CBY2: variants seen among roughly 807,000 people sequenced by gnomAD.
CBY2 encodes the protein protein chibby homolog 2.
Under a neutral mutation model 25.3 loss-of-function variants are expected in CBY2, and 23 were observed. The observed-to-expected ratio is 0.91, with a 90% confidence interval of 0.65 to 1.29. The LOEUF (loss-of-function observed/expected upper bound fraction) is 1.29. Among genes scored for constraint, CBY2 ranks in the 50% most tolerant of loss-of-function variants. CBY2 has a pLI of 0.00. For synonymous variants in CBY2, 279 were observed against 260.2 expected (o/e 1.07, Z -0.70); for missense variants, 642 against 590.7 (o/e 1.09, Z -0.90).
At chr13:45,702,556 A>C in intron 1 of CBY2, 91 bp downstream of exon 1, 1 of 1,117,786 alleles carries the variant, frequency 8.9e-7, no homozygotes, top group Non-Finnish European at 1.4e-6. Flanking sequence ...AAAGCCTTTT[A>C]CATCAACTAT....
At chr13:45,707,115 T>C (rs1460332181) in intron 2 of CBY2, among the ~76,000 whole-genome samples, 1 of 152,140 alleles carries the variant, frequency 6.6e-6, no homozygotes, top group African/African-American at 2.4e-5. Flanking sequence ...AAAATGACTT[T>C]CTCAAGAGCA....
intron 2 of CBY2, among the ~76,000 whole-genome samples, chr13:45,711,708 C>T (rs1417332728): frequency 2.6e-5 from 4 of 152,278 alleles, no homozygotes; most frequent in Admixed American, 6.5e-5. Context: ...ATTTAAAACT[C>T]ACTGGAGTTA....
intron 2 of CBY2, among the ~76,000 whole-genome samples, chr13:45,709,126 G>T (rs1412997687): frequency 2.0e-5 from 3 of 152,186 alleles, no homozygotes; most frequent in Admixed American, 6.5e-5. Context: ...TAGAGATAAT[G>T]ACTCTTACCC....
chr13:45,714,288 C>G lies in CBY2; in HGVS notation c.1263C>G (p.Thr421=), dbSNP rs746466287. The change falls in exon 3 of 3, where the codon ACC becomes ACG. Residue 421 remains threonine, a synonymous_variant. Transcript: ENST00000310521. ...KLVIDTVTEV[T]ARMEMLIEEL... ...TCATTGACACCGTGACCGAGGTCAC[C>G]GCGCGCATGGAAATGCTCATCGAGG... The G allele has an allele frequency of 5.0e-6, 8 of 1,612,974 alleles. No individual in the cohort carries two copies. In the South Asian group the frequency reaches 8.8e-5, roughly 18 times the overall value.
chr13:45,711,752 C>A (rs1950271321), intron 2 of CBY2, among the ~76,000 whole-genome samples: 2 of 152,172 alleles, frequency 1.3e-5, no homozygotes, highest in Admixed American at 1.3e-4. Context: ...AAGCTACCAG[C>A]TCATTGGAGT....
Position 45,713,484 on chromosome 13 carries a change from C to T in CBY2, c.459C>T (p.Phe153=), listed in dbSNP as rs1274528681. The T allele has an allele frequency of 3.1e-6, 5 of 1,614,222 alleles. No individual in the cohort carries two copies. The South Asian group carries it at 5.5e-5, about 18-fold the overall frequency. Residue 153 remains phenylalanine (F), a synonymous_variant, in exon 3 of 3, where the codon TTC becomes TTT. Transcript: ENST00000310521. This position sits in a 1 kb window ranked among gnomAD's most constrained non-coding sequence, Gnocchi z 5.0. The part of the protein sequence containing the change: ...QSPYFSPSAS[F]HHKLHHKRLA... Reference sequence around the variant, plus strand: ...CCTACTTCTCCCCATCCGCCTCCTTCCACCACAAGCTGCACCACAAGAGGC... The same window carrying T: ...CCTACTTCTCCCCATCCGCCTCCTTTCACCACAAGCTGCACCACAAGAGGC...
intron 2 of CBY2, 54 bp downstream of exon 2, chr13:45,702,909 C>T: frequency 7.3e-7 from 1 of 1,370,284 alleles, no homozygotes; most frequent in Non-Finnish European, 1.0e-6. Flanking sequence ...GAATAACCCC[C>T]CATCTCCTCC....
At position 45,714,084 on chromosome 13, in the gene CBY2, C is replaced by T; in HGVS notation, c.1059C>T (p.Cys353=). 6.5e-7 allele frequency: 1 copy of T among 1,535,536 alleles called. No homozygotes were observed. Among genetic ancestry groups the T allele is most frequent in the African/African-American group, 1.4e-5 (1 of 72,978 alleles). ...TGGGCCCGGGCCTGCCCGACGGCTG[C>T]CAGCCCCTGCAGCTGCTGAGAGAGA... ...AKVGPGLPDG[C]QPLQLLREMR... The change falls in exon 3 of 3, where the codon TGC becomes TGT. Residue 353 remains cysteine (C), a synonymous_variant. Coordinates refer to ENST00000310521, the MANE Select transcript of CBY2 (RefSeq NM_152719.3).
Position 45,713,670 on chromosome 13 carries a change from C to T in CBY2, c.645C>T (p.Pro215=), listed in dbSNP as rs932850533. Residue 215 remains proline (P), a synonymous_variant, in exon 3 of 3, where the codon CCC becomes CCT. Coordinates refer to ENST00000310521, the MANE Select transcript of CBY2 (RefSeq NM_152719.3). This position sits in a 1 kb window ranked among gnomAD's most constrained non-coding sequence, Gnocchi z 5.0. ...TGGGCCGAGAGGAGAGCCGGGCCCC[C>T]TCGCCACTGCTGCACAAAGACAGCG... ...ASLGREESRA[P]SPLLHKDSAS... 6.2e-7 allele frequency: 1 copy of T among 1,612,916 alleles called. No individual in the cohort carries two copies. The highest frequency in any genetic ancestry group is 2.2e-5 in the East Asian group (1 of 44,864).
intron 2 of CBY2, among the ~76,000 whole-genome samples, chr13:45,712,805 G>C (rs1950278288): frequency 6.6e-6 from 1 of 152,172 alleles, no homozygotes; most frequent in African/African-American, 2.4e-5. Context: ...AGTTTTGTTT[G>C]GGCATGCGTG....
intron 2 of CBY2, among the ~76,000 whole-genome samples, chr13:45,708,602 C>G (rs1950252511): frequency 6.6e-6 from 1 of 152,140 alleles, no homozygotes; most frequent in African/African-American, 2.4e-5. Flanking sequence ...ATCCAGCTAG[C>G]TCTGATCAGA....
rs1484543948 is a variant in CBY2 at position 45,714,423 on chromosome 13, A to G, written c.*51A>G. The stretch of plus-strand genomic sequence containing the variant: ...GAGTTTGGGACACCGAACACTGGGC[A>G]AAAGAGAATCCCCTGCCTTCCTTTG... On this transcript the variant is annotated 3_prime_UTR_variant, in exon 3 of 3. Transcript: ENST00000310521. 1 of 1,440,986 alleles carries G rather than the reference A, an allele frequency of 6.9e-7. No homozygotes were observed. The allele number at this position is 1,440,986 out of a possible 1,614,324, so 89.3% of individuals were successfully genotyped here. A position where few individuals can be genotyped will look rare whatever the true frequency, so the allele number is the denominator to read the frequency against.
chr13:45,714,280 G>A lies in CBY2; in HGVS notation c.1255G>A (p.Glu419Lys), dbSNP rs772983757. 6.2e-6 allele frequency: 10 copies of A among 1,613,036 alleles called. No homozygotes were observed. The highest frequency in any genetic ancestry group is 1.1e-5 in the South Asian group (1 of 90,904). The change falls in exon 3 of 3, where the codon GAG becomes AAG. Residue 419 changes from glutamate to lysine, a missense_variant. Coordinates refer to ENST00000310521, the MANE Select transcript of CBY2 (RefSeq NM_152719.3). ...QQKLVIDTVT[E>K]VTARMEMLIE... is the part of the protein sequence containing the mutation. Reference sequence around the variant, plus strand: ...GAAGCTGGTCATTGACACCGTGACCGAGGTCACCGCGCGCATGGAAATGCT... The same window carrying A: ...GAAGCTGGTCATTGACACCGTGACCAAGGTCACCGCGCGCATGGAAATGCT...
At position 45,714,327 on chromosome 13, in the gene CBY2, C is replaced by T. The variant is rs1164694120; in HGVS notation, c.1302C>T (p.Phe434=). ...MEMLIEELYA[F]MPARSQDPKK... is the part of the protein sequence containing the mutation. ...TGCTCATCGAGGAGCTCTACGCCTTCATGCCGGCCAGGAGCCAGGACCCCA... is the reference window on the plus strand; with the variant it reads ...TGCTCATCGAGGAGCTCTACGCCTTTATGCCGGCCAGGAGCCAGGACCCCA... Residue 434 remains phenylalanine, a synonymous_variant, in exon 3 of 3, where the codon TTC becomes TTT. Coordinates refer to ENST00000310521, the MANE Select transcript of CBY2 (RefSeq NM_152719.3). 3.7e-6 allele frequency: 6 copies of T among 1,612,292 alleles called. No individual in the cohort carries two copies. Among genetic ancestry groups the T allele is most frequent in the Non-Finnish European group, 5.1e-6 (6 of 1,179,396 alleles).
chr13:45,707,222 G>A lies in CBY2; in HGVS notation c.156+4367G>A, dbSNP rs185792786. ...CAAGATGATGAAAGGGACCACTAGCGTGCTTGTGTGCAGGGGGTGGTGGGA... is the reference window on the plus strand; with the variant it reads ...CAAGATGATGAAAGGGACCACTAGCATGCTTGTGTGCAGGGGGTGGTGGGA... On this transcript the variant is annotated intron_variant, in intron 2 of 2. Transcript: ENST00000310521. Among the ~76,000 whole-genome samples, 82 of 152,272 alleles carry A rather than the reference G, an allele frequency of 5.4e-4. No individual in the cohort carries two copies. In the East Asian group the frequency reaches 0.015, roughly 28 times the overall value.
rs1280809659 is a variant in CBY2 at position 45,702,469 on chromosome 13, T to C, written c.75+4T>C. The C allele has an allele frequency of 1.2e-6, 2 of 1,612,304 alleles. No homozygotes were observed. Among genetic ancestry groups the C allele is most frequent in the Non-Finnish European group, 1.7e-6 (2 of 1,178,274 alleles). ...CTATACCTGGCAACTCACATTGGTATGGCTTTTTACTTGAGATAGAAATAA... is the reference window on the plus strand; with the variant it reads ...CTATACCTGGCAACTCACATTGGTACGGCTTTTTACTTGAGATAGAAATAA... On this transcript the variant is annotated splice_donor_region_variant and intron_variant, in intron 1 of 2. Coordinates refer to ENST00000310521, the MANE Select transcript of CBY2 (RefSeq NM_152719.3).
chr13:45,709,086 GACC>G (rs1217119592), intron 2 of CBY2, among the ~76,000 whole-genome samples: 1 of 152,188 alleles, frequency 6.6e-6, no homozygotes, highest in Non-Finnish European at 1.5e-5. Context: ...AAATCCACTG[GACC>G]AGAGACAGTT....
At position 45,714,461 on chromosome 13, in the gene CBY2, T is replaced by G. The variant is rs139398796; in HGVS notation, c.*89T>G. The G allele has an allele frequency of 6.0e-4, 722 of 1,196,298 alleles. 4 individuals carry two copies. The African/African-American group carries it at 9.6e-3, about 16-fold the overall frequency. 74.1% of individuals were successfully genotyped at this position (1,196,298 alleles called of 1,614,324 possible). A position where few individuals can be genotyped will look rare whatever the true frequency, so the allele number is the denominator to read the frequency against. On this transcript the variant is annotated 3_prime_UTR_variant, in exon 3 of 3. Coordinates refer to ENST00000310521, the MANE Select transcript of CBY2 (RefSeq NM_152719.3). The stretch of plus-strand genomic sequence containing the variant: ...CTGCCTTCCTTTGTCGTCCTCGCCT[T>G]CCCCAGCCAGTTCGTACCTATTGAA...
chr13:45,713,018 A>T lies in CBY2; in HGVS notation c.157-164A>T, dbSNP rs9316154. On this transcript the variant is annotated intron_variant, in intron 2 of 2. Transcript: ENST00000310521. This position sits in a 1 kb window ranked among gnomAD's most constrained non-coding sequence, Gnocchi z 5.0. ...CAGAACTCACTGGAATGACAAGGAT[A>T]GGCCACATTTCCTTGTGAGGACCCC... 6.6e-6 allele frequency among the ~76,000 whole-genome samples: 1 copy of T among 152,036 alleles called. No individual in the cohort carries two copies.
Sources: gnomAD v4.1 joint callset for allele counts (sites outside exome capture counted in the v4.1 genomes callset) on GRCh38, gnomAD v4.1.1 for gene constraint, Gnocchi (gnomAD v3.1) non-coding constraint, MANE v1.5 for transcripts, NCBI Gene and HGNC (gene_info 2026-07-23, HGNC 2026-07-21) for gene names.